The following XDH variants were observed in gnomAD, a reference collection of about 807,000 sequenced individuals.
XDH encodes xanthine dehydrogenase/oxidase.
In XDH, 138 loss-of-function variants were observed where a neutral mutation model predicts 156.1. That is an observed-to-expected ratio of 0.88 (90% CI 0.77 to 1.02). XDH has a LOEUF of 1.02. XDH is among the 50% of genes least tolerant of loss of function. The pLI, the probability that XDH is intolerant of heterozygous loss-of-function variation, is 0.00. For missense variants in XDH, 1,849 were observed against 1,684.9 expected (o/e 1.10, Z -1.71); for synonymous variants, 669 against 625.7 (o/e 1.07, Z -1.03).
At chr2:31,367,931 C>A in intron 20 of XDH, 30 bp downstream of exon 20, 1 of 1,608,780 alleles carries the variant, frequency 6.2e-7, no homozygotes, top group East Asian at 2.2e-5. Flanking sequence ...AGGGCCACCC[C>A]ATTCCCACTG....
chr2:31,377,764 C>T (rs1686284946), intron 13 of XDH, among the ~76,000 whole-genome samples: 1 of 151,718 alleles, frequency 6.6e-6, no homozygotes, highest in South Asian at 2.1e-4. Flanking sequence ...CACAGTGGCT[C>T]ACGTCTGTAA....
Position 31,347,539 on chromosome 2 carries a change from T to C in XDH, c.3259A>G (p.Asn1087Asp), listed in dbSNP as rs374248574. 1.8e-5 allele frequency: 29 copies of C among 1,613,864 alleles called. No individual in the cohort carries two copies. Among genetic ancestry groups the C allele is most frequent in the Non-Finnish European group, 2.3e-5 (27 of 1,180,000 alleles). Residue 1087 changes from asparagine (N) to aspartate (D), a missense_variant, in exon 29 of 36, where the codon AAT (asparagine) becomes GAT (aspartate). Coordinates refer to ENST00000379416, the MANE Select transcript of XDH (RefSeq NM_000379.4). ...CTCCTTACATAGACGGCCTGTCCATTGAGGTCAGCGCTGACAGAGGCAGCC... is the reference window on the plus strand; with the variant it reads ...CTCCTTACATAGACGGCCTGTCCATCGAGGTCAGCGCTGACAGAGGCAGCC... ...PTAASVSADL[N>D]GQAVYAACQT...
chr2:31,375,011 CTTTCTTTCTTTCTTT>C (rs1435738560), intron 15 of XDH, among the ~76,000 whole-genome samples: 28 of 109,942 alleles, frequency 2.5e-4, no homozygotes, highest in East Asian at 2.3e-4. Context: ...TTCTTTCTTT[CTTTCTTTCTTTCTTT>C]TTTTTTTTTT....
intron 6 of XDH, among the ~76,000 whole-genome samples, chr2:31,395,106 G>T (rs1686866953): frequency 6.6e-6 from 1 of 151,374 alleles, no homozygotes; most frequent in Non-Finnish European, 1.5e-5. Context: ...TGGTTGAAAG[G>T]TGGACATGAT....
At chr2:31,383,924 A>G (rs1225865933) in intron 9 of XDH, 77 bp from the exon 10 acceptor site, 1 of 1,240,630 alleles carries the variant, frequency 8.1e-7, no homozygotes, top group African/African-American at 1.5e-5. Flanking sequence ...TTTTCTCACC[A>G]TTACACACAG....
chr2:31,358,919 A>G (rs1685700825), intron 24 of XDH, among the ~76,000 whole-genome samples: 1 of 152,168 alleles, frequency 6.6e-6, no homozygotes, highest in Non-Finnish European at 1.5e-5. Context: ...CTCAGTATGT[A>G]AAGAAAAGGA....
In XDH at chr2:31,397,561, T is replaced by C. The variant is rs1464911772; in HGVS notation, c.495+107A>G. On this transcript the variant is annotated intron_variant, in intron 6 of 35. Transcript: ENST00000379416. ...GAAGACTCACTAACTGGTCATCTTA[T>C]CATCATTGTTTGTAGACCAGAGGCC... is the stretch of plus-strand genomic sequence containing the variant. The C allele has an allele frequency of 4.5e-6, 6 of 1,348,176 alleles. No individual in the cohort carries two copies. In the African/African-American group the frequency reaches 5.7e-5, roughly 13 times the overall value. The allele number at this position is 1,348,176 out of a possible 1,614,324, so 83.5% of individuals were successfully genotyped here.
intron 1 of XDH, among the ~76,000 whole-genome samples, chr2:31,411,185 A>G (rs1173426733): frequency 1.3e-5 from 2 of 151,264 alleles, no homozygotes; most frequent in African/African-American, 4.9e-5. Flanking sequence ...CAGGAGGCTG[A>G]GGCAGACAAT....
intron 1 of XDH, 60 bp from the exon 2 acceptor site, chr2:31,406,024 TA>T: frequency 6.4e-7 from 1 of 1,574,444 alleles, no homozygotes; most frequent in Non-Finnish European, 8.7e-7. Context: ...TTTCTGCAAT[TA>T]ATTTCTTCCT....
At chr2:31,377,505 T>C (rs768631465) in intron 13 of XDH, among the ~76,000 whole-genome samples, 1 of 152,066 alleles carries the variant, frequency 6.6e-6, no homozygotes, top group Non-Finnish European at 1.5e-5. Context: ...AAAGTAGAAC[T>C]GGGTGGTCTC....
chr2:31,380,418 C>T (rs191170237), intron 12 of XDH, among the ~76,000 whole-genome samples: 164 of 152,276 alleles, frequency 1.1e-3, no homozygotes, highest in African/African-American at 2.8e-3. Flanking sequence ...CAGCTCACTG[C>T]GCCTAAATTA....
rs1268413458 is a variant in XDH at position 31,348,339 on chromosome 2, T to C, written c.3076A>G (p.Thr1026Ala). The C allele has an allele frequency of 6.2e-7, 1 of 1,614,192 alleles. No homozygotes were observed. The highest frequency in any genetic ancestry group is 1.1e-5 in the South Asian group (1 of 91,082). ...TGGGTCAGCAGCACAGAGCCATCTGTGTACACATGAAGTAGGGCTCCTGCC... is the reference window on the plus strand; with the variant it reads ...TGGGTCAGCAGCACAGAGCCATCTGCGTACACATGAAGTAGGGCTCCTGCC... ...NQAGALLHVYTDGSVLLTHGG... is the reference protein window; with the variant it reads ...NQAGALLHVYADGSVLLTHGG... The change falls in exon 28 of 36, where the codon ACA (threonine) becomes GCA (alanine). Residue 1026 changes from threonine (T) to alanine (A), a missense_variant. Transcript: ENST00000379416.
At chr2:31,347,995 A>T (rs1479200115) in intron 28 of XDH, among the ~76,000 whole-genome samples, 1 of 152,172 alleles carries the variant, frequency 6.6e-6, no homozygotes, top group Non-Finnish European at 1.5e-5. Flanking sequence ...AATGTGGGAA[A>T]CTCGCGACCT....
At chr2:31,355,797 T>G (rs1021194581) in intron 24 of XDH, among the ~76,000 whole-genome samples, 1 of 152,188 alleles carries the variant, frequency 6.6e-6, no homozygotes, top group African/African-American at 2.4e-5. Flanking sequence ...ATATGATGTA[T>G]AAATTGTATA....
chr2:31,380,406 A>G (rs1686406601), intron 12 of XDH, among the ~76,000 whole-genome samples: 1 of 152,186 alleles, frequency 6.6e-6, no homozygotes, highest in South Asian at 2.1e-4. Context: ...TCCATGATGG[A>G]GCAGCTCACT....
chr2:31,358,608 A>T (rs1419213604), intron 24 of XDH, among the ~76,000 whole-genome samples: 1 of 152,196 alleles, frequency 6.6e-6, no homozygotes. Flanking sequence ...GTGTTTAAAA[A>T]AATCAATGAA....
intron 12 of XDH, among the ~76,000 whole-genome samples, chr2:31,380,223 T>A (rs1234554873): frequency 6.6e-6 from 1 of 152,154 alleles, no homozygotes; most frequent in African/African-American, 2.4e-5. Flanking sequence ...TTTATAGCAT[T>A]TGCCAATTTC....
chr2:31,356,210 C>CA (rs1313078357), intron 24 of XDH, among the ~76,000 whole-genome samples: 3 of 151,846 alleles, frequency 2.0e-5, no homozygotes, highest in East Asian at 1.9e-4. Flanking sequence ...AAATTGGTAG[C>CA]AAAAAATAGA....
intron 3 of XDH, among the ~76,000 whole-genome samples, chr2:31,402,810 T>C (rs759296082): frequency 1.3e-5 from 2 of 152,204 alleles, no homozygotes; most frequent in East Asian, 1.9e-4. Context: ...GAATGTGATA[T>C]AAATGTGGAT....
Sources: allele counts gnomAD v4.1 joint callset (sites outside exome capture counted in the v4.1 genomes callset), GRCh38; gene constraint gnomAD v4.1.1; transcripts MANE v1.5; gene names NCBI Gene and HGNC (gene_info 2026-07-23, HGNC 2026-07-21).